Variants in CRNN observed in about 807,000 individuals in gnomAD.
The protein encoded by CRNN is 53 kDa putative calcium-binding protein.
CRNN carries 39 observed loss-of-function variants against 44.7 expected under a neutral mutation model. That is an observed-to-expected ratio of 0.87 (90% CI 0.68 to 1.14). The LOEUF is 1.14. CRNN is among the 50% of genes most tolerant of loss of function. The pLI is 0.00. For synonymous variants in CRNN, 240 were observed against 231.8 expected (o/e 1.04, Z -0.32); for missense variants, 606 against 605.1 (o/e 1.00, Z -0.02).
chr1:152,412,365 G>T (rs1655794985), intron 1 of CRNN, 119 bp from the exon 2 acceptor site: 1 of 1,030,296 alleles, frequency 9.7e-7, no homozygotes, highest in Non-Finnish European at 1.4e-6. Context: ...GTTTTCCTTT[G>T]TCCTTTCCTA....
At position 152,410,838 on chromosome 1, in the gene CRNN, C is replaced by T. The variant is rs1655735428; in HGVS notation, c.244G>A (p.Ala82Thr). 2 of 1,614,224 alleles carry T rather than the reference C, an allele frequency of 1.2e-6. No individual in the cohort carries two copies. Among genetic ancestry groups the T allele is most frequent in the Non-Finnish European group, 1.7e-6 (2 of 1,180,038 alleles). ...KEFLVLVFKV[A>T]QACFKTLSES... ...CTCAGTGTCTTGAAACAGGCCTGGGCAACTTTAAACACTAAGACCAGGAAT... is the reference window on the plus strand; with the variant it reads ...CTCAGTGTCTTGAAACAGGCCTGGGTAACTTTAAACACTAAGACCAGGAAT... Residue 82 changes from alanine to threonine, a missense_variant, in exon 3 of 3, where the codon GCC becomes ACC. Coordinates refer to ENST00000271835, the MANE Select transcript of CRNN (RefSeq NM_016190.3).
chr1:152,412,264 T>C lies in CRNN; in HGVS notation c.-13-18A>G. On this transcript the variant is annotated intron_variant, in intron 1 of 2. Transcript: ENST00000271835. ...AAGTCAACCTGGAAAAGATGAAAAG[T>C]TCCCTTGGAGGCTCCATAATCAACC... is the stretch of plus-strand genomic sequence containing the variant. 1 of 1,593,582 alleles carries C rather than the reference T, an allele frequency of 6.3e-7. No individual in the cohort carries two copies. The highest frequency in any genetic ancestry group is 8.6e-7 in the Non-Finnish European group (1 of 1,163,530).
intron 2 of CRNN, among the ~76,000 whole-genome samples, chr1:152,411,813 A>T (rs969230640): frequency 6.6e-6 from 1 of 152,206 alleles, no homozygotes; most frequent in Non-Finnish European, 1.5e-5. Flanking sequence ...AAATATTCCA[A>T]GGCTCTGCTC....
In CRNN at chr1:152,410,484, T is replaced by C; in HGVS notation, c.598A>G (p.Arg200Gly). The stretch of plus-strand genomic sequence containing the variant: ...GGCCTCATCTCTGTTGTCTGATTCC[T>C]CTTGCCTTCTCCAGCTTTCTGGGTC... ...EQTQKAGEGKRNQTTEMRPER... is the reference protein window; with the variant it reads ...EQTQKAGEGKGNQTTEMRPER... Residue 200 changes from arginine (R) to glycine (G), a missense_variant, in exon 3 of 3, where the codon AGG becomes GGG. Arg to Gly is a moderately radical substitution (Grantham distance 125). Transcript: ENST00000271835. 6.2e-7 allele frequency: 1 copy of C among 1,614,210 alleles called. No homozygotes were observed. The highest frequency in any genetic ancestry group is 8.5e-7 in the Non-Finnish European group (1 of 1,180,032).
intron 2 of CRNN, 66 bp downstream of exon 2, chr1:152,412,030 T>A: frequency 6.7e-7 from 1 of 1,502,488 alleles, no homozygotes; most frequent in Non-Finnish European, 9.0e-7. Context: ...AGGCAAGGCC[T>A]CTGCAGGCAA....
rs1414768260 is a variant in CRNN at position 152,410,522 on chromosome 1, C to T, written c.560G>A (p.Gly187Glu). ...AGCTTTCTGGGTCTGCTCTGTCTGC[C>T]CAGAGAGTTGTATCTGCGGGCTTAT... ...ERISPQIQLS[G>E]QTEQTQKAGE... The change falls in exon 3 of 3, where the codon GGG (glycine) becomes GAG (glutamate). Residue 187 changes from glycine to glutamate, a missense_variant. Gly to Glu is a moderately conservative substitution (Grantham distance 98, BLOSUM62 -2). Transcript: ENST00000271835. 6.2e-7 allele frequency: 1 copy of T among 1,614,156 alleles called. No individual in the cohort carries two copies. The highest frequency in any genetic ancestry group is 8.5e-7 in the Non-Finnish European group (1 of 1,180,034).
chr1:152,409,711 C>T lies in CRNN; in HGVS notation c.1371G>A (p.Gln457=), dbSNP rs758998662. ...SRETVILRLD[Q]GNLHTSVSSA... Reference sequence around the variant, plus strand: ...AGGAAACACTGGTATGCAAGTTGCCCTGGTCCAGCCTGAGGATCACTGTCT... The same window carrying T: ...AGGAAACACTGGTATGCAAGTTGCCTTGGTCCAGCCTGAGGATCACTGTCT... The change falls in exon 3 of 3, where the codon CAG becomes CAA. Residue 457 remains glutamine, a synonymous_variant. Transcript: ENST00000271835. 1 of 1,614,226 alleles carries T rather than the reference C, an allele frequency of 6.2e-7. No homozygotes were observed. The highest frequency in any genetic ancestry group is 8.5e-7 in the Non-Finnish European group (1 of 1,180,032).
chr1:152,409,323 C>G lies in CRNN; in HGVS notation c.*271G>C. On this transcript the variant is annotated 3_prime_UTR_variant, in exon 3 of 3. Transcript: ENST00000271835. ...TCAGAGATAAAAATAGTCCTGAAAC[C>G]CCCCACAAGATGAGGACAATTCAGT... 1 of 462,448 alleles carries G rather than the reference C, an allele frequency of 2.2e-6. No individual in the cohort carries two copies. Among genetic ancestry groups the G allele is most frequent in the Non-Finnish European group, 3.7e-6 (1 of 267,202 alleles). 28.6% of individuals were successfully genotyped at this position (462,448 alleles called of 1,614,324 possible).
At chr1:152,411,739 C>T (rs1017993034) in intron 2 of CRNN, among the ~76,000 whole-genome samples, 4 of 152,222 alleles carry the variant, frequency 2.6e-5, no homozygotes, top group Non-Finnish European at 2.9e-5. Context: ...TTCAGATAGA[C>T]GTGGGAAATA....
Position 152,410,447 on chromosome 1 carries a change from G to A in CRNN, c.635C>T (p.Pro212Leu). The change falls in exon 3 of 3, where the codon CCA (proline) becomes CTA (leucine). Residue 212 changes from proline to leucine, a missense_variant. Pro to Leu is a moderately conservative substitution (Grantham distance 98). Transcript: ENST00000271835. ...QTTEMRPERQ[P>L]QTREQDRAHQ... is the part of the protein sequence containing the mutation. ...GGCTCTGTCCTGTTCCCTGGTCTGTGGCTGTCTCTCTGGCCTCATCTCTGT... is the reference window on the plus strand; with the variant it reads ...GGCTCTGTCCTGTTCCCTGGTCTGTAGCTGTCTCTCTGGCCTCATCTCTGT... 1 of 1,614,148 alleles carries A rather than the reference G, an allele frequency of 6.2e-7. No homozygotes were observed. The highest frequency in any genetic ancestry group is 8.5e-7 in the Non-Finnish European group (1 of 1,180,032).
At chr1:152,412,324 GTCTTT>G in intron 1 of CRNN, 78 bp from the exon 2 acceptor site, 1 of 1,399,534 alleles carries the variant, frequency 7.1e-7, no homozygotes, top group Non-Finnish European at 9.8e-7. Context: ...CTGCTGCTAG[GTCTTT>G]CCTTGCACGT....
Position 152,409,396 on chromosome 1 carries a change from C to T in CRNN, c.*198G>A. The T allele has an allele frequency of 1.0e-6, 1 of 953,434 alleles. No homozygotes were observed. The highest frequency in any genetic ancestry group is 1.8e-5 in the South Asian group (1 of 54,582). The allele number at this position is 953,434 out of a possible 1,614,324, so 59.1% of individuals were successfully genotyped here. On this transcript the variant is annotated 3_prime_UTR_variant, in exon 3 of 3. Transcript: ENST00000271835. Reference sequence around the variant, plus strand: ...GTCTTCCTGCTCCTGAGAGGGTCTGCACCGCAAAGCAGGTAAGAAAGAAGA... The same window carrying T: ...GTCTTCCTGCTCCTGAGAGGGTCTGTACCGCAAAGCAGGTAAGAAAGAAGA...
rs1442477334 is a variant in CRNN at position 152,412,104 on chromosome 1, C to G, written c.130G>C (p.Val44Leu). The G allele has an allele frequency of 6.2e-7, 1 of 1,607,812 alleles. No homozygotes were observed. The highest frequency in any genetic ancestry group is 2.2e-5 in the East Asian group (1 of 44,656). The stretch of plus-strand genomic sequence containing the variant: ...GGCTCAGCACACCGTACCACAATCA[C>G]ATCGGCAAACTCTTGCTCCAAGAGT... ...KRLLEQEFAD[V>L]IVKPHDPATV... The change falls in exon 2 of 3, where the codon GTG (valine) becomes CTG (leucine). Residue 44 changes from valine to leucine, a missense_variant. Transcript: ENST00000271835.
intron 1 of CRNN, 91 bp from the exon 2 acceptor site, chr1:152,412,337 C>A: frequency 1.5e-6 from 2 of 1,296,670 alleles, no homozygotes; most frequent in Non-Finnish European, 2.2e-6. Flanking sequence ...TTTCCTTGCA[C>A]GTTCAGCTCT....
Position 152,409,470 on chromosome 1 carries a change from T to A in CRNN, c.*124A>T. On this transcript the variant is annotated 3_prime_UTR_variant, in exon 3 of 3. Transcript: ENST00000271835. ...AGAAATTATCTCATTGAGAAAGACC[T>A]AAAAGGGAAGCTGCATAATGAAGAG... 6.7e-7 allele frequency: 1 copy of A among 1,483,756 alleles called. No individual in the cohort carries two copies. The highest frequency in any genetic ancestry group is 8.9e-7 in the Non-Finnish European group (1 of 1,118,728). 91.9% of individuals were successfully genotyped at this position (1,483,756 alleles called of 1,614,324 possible).
At chr1:152,411,368 C>T (rs191663957) in intron 2 of CRNN, among the ~76,000 whole-genome samples, 98 of 152,298 alleles carry the variant, frequency 6.4e-4, no homozygotes, top group Non-Finnish European at 1.2e-3. Context: ...ATTCTGTGCG[C>T]TCCTCATTGA....
chr1:152,409,890 T>C lies in CRNN; in HGVS notation c.1192A>G (p.Thr398Ala). ...GTCTGGGCCTGTCCTCCCGGTACTGTCTCTCCTGCCTCAGGGTTGCTCACT... is the reference window on the plus strand; with the variant it reads ...GTCTGGGCCTGTCCTCCCGGTACTGCCTCTCCTGCCTCAGGGTTGCTCACT... Reference protein sequence around the residue: ...MQVSNPEAGETVPGGQAQTGA... With the variant: ...MQVSNPEAGEAVPGGQAQTGA... Residue 398 changes from threonine (T) to alanine (A), a missense_variant, in exon 3 of 3, where the codon ACA becomes GCA. By Grantham distance (58) the Thr-to-Ala change is moderately conservative (BLOSUM62 0). Coordinates refer to ENST00000271835, the MANE Select transcript of CRNN (RefSeq NM_016190.3). The C allele has an allele frequency of 1.9e-6, 3 of 1,614,206 alleles. No individual in the cohort carries two copies. The highest frequency in any genetic ancestry group is 2.5e-6 in the Non-Finnish European group (3 of 1,180,046).
chr1:152,410,694 G>T lies in CRNN; in HGVS notation c.388C>A (p.Gln130Lys). 6.2e-7 allele frequency: 1 copy of T among 1,613,998 alleles called. No homozygotes were observed. The highest frequency in any genetic ancestry group is 8.5e-7 in the Non-Finnish European group (1 of 1,179,948). The change falls in exon 3 of 3, where the codon CAG (glutamine) becomes AAG (lysine). Residue 130 changes from glutamine (Q) to lysine (K), a missense_variant. Transcript: ENST00000271835. ...CTGTGGCTGCTCCCCTCATAATGCT[G>T]CCCTTTCCCCGCCCTTCCCACTTCA... ...GTEVGRAGKG[Q>K]HYEGSSHRQS...
chr1:152,409,395 G>A lies in CRNN; in HGVS notation c.*199C>T. ...AGTCTTCCTGCTCCTGAGAGGGTCT[G>A]CACCGCAAAGCAGGTAAGAAAGAAG... On this transcript the variant is annotated 3_prime_UTR_variant, in exon 3 of 3. Coordinates refer to ENST00000271835, the MANE Select transcript of CRNN (RefSeq NM_016190.3). 1 of 937,638 alleles carries A rather than the reference G, an allele frequency of 1.1e-6. No individual in the cohort carries two copies. The highest frequency in any genetic ancestry group is 3.0e-5 in the Admixed American group (1 of 33,546). 58.1% of individuals were successfully genotyped at this position (937,638 alleles called of 1,614,324 possible). A position where few individuals can be genotyped will look rare whatever the true frequency, so the allele number is the denominator to read the frequency against.
Sources: allele counts gnomAD v4.1 joint callset (sites outside exome capture counted in the v4.1 genomes callset), GRCh38; gene constraint gnomAD v4.1.1; transcripts MANE v1.5; gene names NCBI Gene and HGNC (gene_info 2026-07-23, HGNC 2026-07-21).